The following ZDHHC13 variants were observed in gnomAD, a reference collection of about 807,000 sequenced individuals.
ZDHHC13 encodes palmitoyltransferase ZDHHC13.
Under a neutral mutation model 86.0 loss-of-function variants are expected in ZDHHC13, and 85 were observed. The ratio of observed to expected loss-of-function variants is 0.99; its 90% confidence interval spans 0.83 to 1.18. The LOEUF (loss-of-function observed/expected upper bound fraction) is 1.18. ZDHHC13 is among the 50% of genes most tolerant of loss of function. ZDHHC13 has a pLI of 0.00. For synonymous variants in ZDHHC13, 263 were observed against 246.4 expected, an observed-to-expected ratio of 1.07 and a Z score of -0.63; for missense variants, 711 against 730.2, an observed-to-expected ratio of 0.97 and a Z score of 0.30.
chr11:19,135,978 C>T (rs1238344420), intron 1 of ZDHHC13, among the ~76,000 whole-genome samples: 1 of 152,224 alleles, frequency 6.6e-6, no homozygotes, highest in East Asian at 1.9e-4. Flanking sequence ...GGGGAAAAAA[C>T]AGAGCAGAAA....
Position 19,142,892 on chromosome 11 carries a change from A to G in ZDHHC13, c.28-86A>G. On this transcript the variant is annotated intron_variant, in intron 1 of 16. Transcript: ENST00000446113. ...AAAAATGTAATTTATTAATATAGAT[A>G]TTGTTGATAGTAGCAAATGCTTCAT... 4 of 1,351,358 alleles carry G rather than the reference A, an allele frequency of 3.0e-6. 1 individual carries two copies. The highest frequency in any genetic ancestry group is 2.7e-5 in the Admixed American group (1 of 37,032). The allele number at this position is 1,351,358 out of a possible 1,614,324, so 83.7% of individuals were successfully genotyped here.
At position 19,143,060 on chromosome 11, in the gene ZDHHC13, A is replaced by G. The variant is rs1849366537; in HGVS notation, c.110A>G (p.Asn37Ser). ...GCACATGAAAACAAAGAACTTGCCA[A>G]TGCAAGAGAAGCTCTTCCTCTTATA... The part of the protein sequence containing the change: ...ICAHENKELA[N>S]AREALPLIED... The change falls in exon 2 of 17, where the codon AAT becomes AGT. Residue 37 changes from asparagine (N) to serine (S), a missense_variant. Transcript: ENST00000446113. 3 of 1,613,332 alleles carry G rather than the reference A, an allele frequency of 1.9e-6. No homozygotes were observed. The highest frequency in any genetic ancestry group is 1.3e-5 in the African/African-American group (1 of 75,042).
At chr11:19,140,720 G>A (rs1849291365) in intron 1 of ZDHHC13, among the ~76,000 whole-genome samples, 2 of 152,208 alleles carry the variant, frequency 1.3e-5, no homozygotes, top group African/African-American at 4.8e-5. Context: ...TATACACCAT[G>A]GAATACTATG....
intron 2 of ZDHHC13, among the ~76,000 whole-genome samples, chr11:19,145,251 C>G (rs1444615754): frequency 6.6e-6 from 1 of 152,200 alleles, no homozygotes; most frequent in Non-Finnish European, 1.5e-5. Context: ...AAATCTCTCT[C>G]AAGCCCATCA....
At chr11:19,162,294 T>C (rs554309724) in intron 10 of ZDHHC13, among the ~76,000 whole-genome samples, 123 of 152,258 alleles carry the variant, frequency 8.1e-4, no homozygotes, top group Middle Eastern at 3.4e-3. Flanking sequence ...TTTAGCTCCA[T>C]ATTGAGAGAC....
intron 1 of ZDHHC13, among the ~76,000 whole-genome samples, chr11:19,122,318 T>C (rs554137604): frequency 6.6e-6 from 1 of 152,246 alleles, no homozygotes; most frequent in Non-Finnish European, 1.5e-5. Context: ...AAGGGGGTAC[T>C]GACTTGTCAG....
At chr11:19,144,919 C>T (rs1212937388) in intron 2 of ZDHHC13, among the ~76,000 whole-genome samples, 6 of 152,190 alleles carry the variant, frequency 3.9e-5, no homozygotes, top group African/African-American at 1.4e-4. Context: ...ACTTCGAGAC[C>T]AGCCTGGCTA....
chr11:19,172,653 A>C (rs1850254037), intron 15 of ZDHHC13, 70 bp from the exon 16 acceptor site: 2 of 1,250,178 alleles, frequency 1.6e-6, no homozygotes, highest in Admixed American at 2.5e-5. Context: ...ACTGATACTG[A>C]TCTTATATTG....
At chr11:19,175,205 G>A (rs1364065143) in intron 16 of ZDHHC13, among the ~76,000 whole-genome samples, 8 of 151,472 alleles carry the variant, frequency 5.3e-5, no homozygotes, top group Non-Finnish European at 4.4e-5. Flanking sequence ...TGGCTAACAC[G>A]GTGAAACCCC....
chr11:19,170,050 A>AC (rs1449312699), intron 14 of ZDHHC13: 77 of 1,055,424 alleles, frequency 7.3e-5, no homozygotes, highest in Non-Finnish European at 8.6e-5. Flanking sequence ...CCTGTAATAG[A>AC]CCCATAGTTG....
intron 2 of ZDHHC13, among the ~76,000 whole-genome samples, chr11:19,145,716 C>G (rs1244158337): frequency 6.6e-6 from 1 of 152,184 alleles, no homozygotes; most frequent in Non-Finnish European, 1.5e-5. Context: ...TCAGGAAGGG[C>G]TAATCATTTG....
At chr11:19,152,966 G>A (rs796067105) in intron 8 of ZDHHC13, among the ~76,000 whole-genome samples, 5 of 152,202 alleles carry the variant, frequency 3.3e-5, no homozygotes, top group African/African-American at 1.2e-4. Context: ...AAATGCAAAA[G>A]GTTTTGATTT....
intron 1 of ZDHHC13, among the ~76,000 whole-genome samples, chr11:19,137,428 C>A (rs910050761): frequency 8.6e-5 from 13 of 151,896 alleles, no homozygotes; most frequent in Non-Finnish European, 1.6e-4. Flanking sequence ...AAGTCCTGAG[C>A]GACCTACAAA....
chr11:19,123,612 A>C (rs1277691331), intron 1 of ZDHHC13, among the ~76,000 whole-genome samples: 1 of 152,112 alleles, frequency 6.6e-6, no homozygotes, highest in African/African-American at 2.4e-5. Context: ...GTGCCACTGC[A>C]CTCCAGCCTG....
Position 19,117,391 on chromosome 11 carries a change from G to T in ZDHHC13, c.27+115G>T, listed in dbSNP as rs530499055. 1 of 1,126,464 alleles carries T rather than the reference G, an allele frequency of 8.9e-7. No homozygotes were observed. The highest frequency in any genetic ancestry group is 1.6e-5 in the African/African-American group (1 of 61,026). The allele number at this position is 1,126,464 out of a possible 1,614,324, so 69.8% of individuals were successfully genotyped here. A position where few individuals can be genotyped will look rare whatever the true frequency, so the allele number is the denominator to read the frequency against. ...ATGAGGGGGTTTCGGGAGCGGCGGGGCCTAGGTCTGGGAAGCGGGAGCCTG... is the reference window on the plus strand; with the variant it reads ...ATGAGGGGGTTTCGGGAGCGGCGGGTCCTAGGTCTGGGAAGCGGGAGCCTG... On this transcript the variant is annotated intron_variant, in intron 1 of 16. Coordinates refer to ENST00000446113, the MANE Select transcript of ZDHHC13 (RefSeq NM_019028.3). The surrounding 1 kb of genome is among the most constrained non-coding windows in gnomAD (Gnocchi z 4.2).
At position 19,155,867 on chromosome 11, in the gene ZDHHC13, T is replaced by C. The variant is rs1444704279; in HGVS notation, c.945T>C (p.Asp315=). The change falls in exon 9 of 17, where the codon GAT becomes GAC. Residue 315 remains aspartate, a synonymous_variant. Transcript: ENST00000446113. ...AIGYILDFNS[D]SWLLKGCLLV... ...GATACATATTGGACTTCAATTCAGA[T>C]TCTTGGCTTTTAAAAGGATGTCTTC... The C allele has an allele frequency of 6.2e-7, 1 of 1,612,954 alleles. No homozygotes were observed. Among genetic ancestry groups the C allele is most frequent in the East Asian group, 2.2e-5 (1 of 44,796 alleles).
rs12798330 is a variant in ZDHHC13 at position 19,163,369 on chromosome 11, A to G, written c.1175A>G (p.Tyr392Cys). ...ATAGTAGCCTTTCTATACTTTTTCTATAAGACTTGGGCAACTGATCCAGGC... is the reference window on the plus strand; with the variant it reads ...ATAGTAGCCTTTCTATACTTTTTCTGTAAGACTTGGGCAACTGATCCAGGC... ...FSIVAFLYFF[Y>C]KTWATDPGFT... Residue 392 changes from tyrosine to cysteine, a missense_variant, in exon 11 of 17, where the codon TAT becomes TGT. Physicochemically the swap from Tyr to Cys is radical, Grantham distance 194. Transcript: ENST00000446113. The G allele has an allele frequency of 0.03, 48,179 of 1,608,162 alleles. 901 individuals are homozygous for G. Among genetic ancestry groups the G allele is most frequent in the Non-Finnish European group, 0.037 (43,194 of 1,177,264 alleles).
At chr11:19,174,381 C>A (rs1167396038) in intron 16 of ZDHHC13, among the ~76,000 whole-genome samples, 1 of 152,198 alleles carries the variant, frequency 6.6e-6, no homozygotes, top group Non-Finnish European at 1.5e-5. Flanking sequence ...GCTTTTGAAC[C>A]AGGCCCTATA....
At chr11:19,152,094 T>C in intron 6 of ZDHHC13, 64 bp from the exon 7 acceptor site, 3 of 1,518,898 alleles carry the variant, frequency 2.0e-6, no homozygotes, top group Non-Finnish European at 1.8e-6. Context: ...ATTCATAATT[T>C]GCATTTACTC....
Sources: gnomAD v4.1 joint callset for allele counts (sites outside exome capture counted in the v4.1 genomes callset) on GRCh38, gnomAD v4.1.1 for gene constraint, Gnocchi (gnomAD v3.1) non-coding constraint, MANE v1.5 for transcripts, NCBI Gene and HGNC (gene_info 2026-07-23, HGNC 2026-07-21) for gene names.